Variants in TCERG1L observed in about 807,000 individuals in gnomAD.
TCERG1L encodes the protein transcription elongation regulator 1-like protein.
A neutral mutation model predicts 56.3 loss-of-function variants in TCERG1L; 37 were observed. The ratio of observed to expected loss-of-function variants is 0.66; its 90% CI spans 0.51 to 0.87. The LOEUF (loss-of-function observed/expected upper bound fraction) is 0.87. Ranked by LOEUF, TCERG1L falls within the 40% of genes least tolerant of loss-of-function variation. The pLI, the probability that TCERG1L is intolerant of heterozygous loss-of-function variation, is 0.00. For synonymous variants in TCERG1L, 324 were observed against 326.3 expected (o/e 0.99, Z 0.08); for missense variants, 799 against 774.2 (o/e 1.03, Z -0.38).
intron 9 of TCERG1L, among the ~76,000 whole-genome samples, chr10:131,109,118 G>A (rs979835930): frequency 2.0e-5 from 3 of 152,124 alleles, no homozygotes; most frequent in Non-Finnish European, 4.4e-5. Flanking sequence ...TGCCCAGCAC[G>A]TCCCCGAGAC....
chr10:131,276,343 T>G (rs1305245151), intron 3 of TCERG1L, among the ~76,000 whole-genome samples: 1 of 152,248 alleles, frequency 6.6e-6, no homozygotes, highest in African/African-American at 2.4e-5. Flanking sequence ...AGCCCAAGGC[T>G]TCATTGACCT....
chr10:131,306,865 TAAG>T (rs1262959227), intron 3 of TCERG1L, among the ~76,000 whole-genome samples: 1 of 152,124 alleles, frequency 6.6e-6, no homozygotes, highest in Non-Finnish European at 1.5e-5. Flanking sequence ...ATGAATTTCC[TAAG>T]AAGAAGGTGA....
At chr10:131,271,034 C>A (rs917588998) in intron 3 of TCERG1L, among the ~76,000 whole-genome samples, 2 of 152,218 alleles carry the variant, frequency 1.3e-5, no homozygotes, top group Non-Finnish European at 2.9e-5. Context: ...TTTGGCTGGG[C>A]TCCACATCGT....
At chr10:131,181,551 G>A (rs905190895) in intron 4 of TCERG1L, among the ~76,000 whole-genome samples, 3 of 152,256 alleles carry the variant, frequency 2.0e-5, no homozygotes, top group Non-Finnish European at 2.9e-5. Flanking sequence ...GCACAGGTGT[G>A]CCCCTGGCAG....
chr10:131,097,086 G>C (rs1845256315), intron 11 of TCERG1L, among the ~76,000 whole-genome samples: 1 of 150,550 alleles, frequency 6.6e-6, no homozygotes, highest in Non-Finnish European at 1.5e-5. Context: ...TGTTATCCCA[G>C]CTACTTGAGA....
chr10:131,171,308 G>T (rs2008406), intron 4 of TCERG1L, among the ~76,000 whole-genome samples: 1 of 152,058 alleles, frequency 6.6e-6, no homozygotes, highest in South Asian at 2.1e-4. Context: ...CTGAAAGAAG[G>T]GGGAGGTGGG....
rs538945583 is a variant in TCERG1L, at chr10:131,190,793, C to T, written c.857-23908G>A. ...ATAGGGAAAGGCTGAAAGCATTCTCCCTGAGAACAAGAACAAGATAAGGAT... is the reference window on the plus strand; with the variant it reads ...ATAGGGAAAGGCTGAAAGCATTCTCTCTGAGAACAAGAACAAGATAAGGAT... On this transcript the variant is annotated intron_variant, in intron 4 of 11. Transcript: ENST00000368642. Among the ~76,000 whole-genome samples, 7 of 144,020 alleles carry T rather than the reference C, an allele frequency of 4.9e-5. No homozygotes were observed. The East Asian group carries it at 1.4e-3, about 28-fold the overall frequency. 94.5% of individuals were successfully genotyped at this position (144,020 alleles called of 152,430 possible).
At chr10:131,186,701 C>T (rs893087070) in intron 4 of TCERG1L, among the ~76,000 whole-genome samples, 1 of 152,172 alleles carries the variant, frequency 6.6e-6, no homozygotes, top group Non-Finnish European at 1.5e-5. Context: ...GTGCCTCTGG[C>T]GAGAAGGCAG....
At chr10:131,145,873 A>G (rs1845789657) in intron 7 of TCERG1L, among the ~76,000 whole-genome samples, 2 of 152,374 alleles carry the variant, frequency 1.3e-5, no homozygotes, top group Middle Eastern at 3.4e-3. Context: ...TTCCCCACGC[A>G]GCAGCTAATA....
intron 3 of TCERG1L, among the ~76,000 whole-genome samples, chr10:131,282,840 G>C (rs1291950246): frequency 1.3e-5 from 2 of 152,168 alleles, no homozygotes; most frequent in Non-Finnish European, 2.9e-5. Context: ...GATGTTACCA[G>C]AGTTTTAAAG....
intron 3 of TCERG1L, among the ~76,000 whole-genome samples, chr10:131,301,778 T>C (rs1846763711): frequency 6.6e-6 from 1 of 151,458 alleles, no homozygotes; most frequent in Non-Finnish European, 1.5e-5. Context: ...CCCACAAAAA[T>C]AAAAACAGAA....
chr10:131,205,696 G>A (rs1245276523), intron 4 of TCERG1L, among the ~76,000 whole-genome samples: 1 of 152,238 alleles, frequency 6.6e-6, no homozygotes, highest in Non-Finnish European at 1.5e-5. Flanking sequence ...GCCACTTCCT[G>A]GAAAGGCAGC....
intron 4 of TCERG1L, among the ~76,000 whole-genome samples, chr10:131,184,855 C>T (rs1845219264): frequency 6.6e-6 from 1 of 152,192 alleles, no homozygotes; most frequent in South Asian, 2.1e-4. Context: ...GTCCTTTAGC[C>T]ATGAGGCAAG....
At chr10:131,229,208 G>C (rs1845824943) in intron 4 of TCERG1L, among the ~76,000 whole-genome samples, 1 of 152,220 alleles carries the variant, frequency 6.6e-6, no homozygotes, top group Non-Finnish European at 1.5e-5. Context: ...AAGGACTCCG[G>C]AGTCTCCCCT....
chr10:131,190,931 G>A (rs879213222), intron 4 of TCERG1L, among the ~76,000 whole-genome samples: 3 of 143,994 alleles, frequency 2.1e-5, no homozygotes, highest in Admixed American at 6.9e-5. Context: ...TTAAACTATC[G>A]CTGTTTGCAG....
chr10:131,208,343 G>T (rs1845568155), intron 4 of TCERG1L, among the ~76,000 whole-genome samples: 1 of 152,198 alleles, frequency 6.6e-6, no homozygotes, highest in Non-Finnish European at 1.5e-5. Context: ...GCCTCAGAGG[G>T]GGCCTGTGAG....
chr10:131,256,984 GGAAGGAAGGAAAGAAA>G (rs1366096126), intron 4 of TCERG1L, among the ~76,000 whole-genome samples: 1,281 of 88,040 alleles, frequency 0.015, 5 homozygotes, highest in Middle Eastern at 0.021. Flanking sequence ...AAGGAAGGAA[GGAAGGAAGGAAAGAAA>G]GAAAGAAAGA....
intron 4 of TCERG1L, among the ~76,000 whole-genome samples, chr10:131,243,448 G>A (rs894739100): frequency 6.6e-6 from 1 of 152,128 alleles, no homozygotes; most frequent in Admixed American, 6.5e-5. Flanking sequence ...CGGTGTAGTG[G>A]TATGCACCTG....
At chr10:131,105,224 CTCA>C (rs1409624875) in intron 9 of TCERG1L, among the ~76,000 whole-genome samples, 1 of 152,224 alleles carries the variant, frequency 6.6e-6, no homozygotes, top group African/African-American at 2.4e-5. Context: ...AAATGCCATT[CTCA>C]TCATGTCATA....
Sources: allele counts gnomAD v4.1 joint callset (sites outside exome capture counted in the v4.1 genomes callset), GRCh38; gene constraint gnomAD v4.1.1; transcripts MANE v1.5; gene names NCBI Gene and HGNC (gene_info 2026-07-23, HGNC 2026-07-21).